MTA2: variants seen among roughly 807,000 people sequenced by gnomAD.
MTA2 encodes the protein metastasis associated 1 family member 2, also known as metastasis-associated protein MTA2.
Under a neutral mutation model 87.1 loss-of-function variants are expected in MTA2, and 22 were observed. The observed-to-expected ratio is 0.25, with a 90% CI of 0.18 to 0.36. The LOEUF is 0.36. Among genes scored for constraint, MTA2 ranks in the 10% least tolerant of loss-of-function variants. MTA2 has a pLI of 1.00. For synonymous variants in MTA2, 314 were observed against 310.1 expected (o/e 1.01, Z -0.13); for missense variants, 542 against 853.2 (o/e 0.64, Z 4.54).
chr11:62,601,572 C>T lies in MTA2; in HGVS notation c.-122G>A. 7 of 1,197,806 alleles carry T rather than the reference C, an allele frequency of 5.8e-6. No individual in the cohort carries two copies. Among genetic ancestry groups the T allele is most frequent in the Non-Finnish European group, 6.8e-6 (6 of 884,510 alleles). The allele number at this position is 1,197,806 out of a possible 1,614,324, so 74.2% of individuals were successfully genotyped here. On this transcript the variant is annotated 5_prime_UTR_variant, in exon 1 of 18. Transcript: ENST00000278823. Reference sequence around the variant, plus strand: ...CGCTTCGAGGGAGTCTCACTGGGGCCCGCGCAGCCGGCACCTCCGCTGCCT... The same window carrying T: ...CGCTTCGAGGGAGTCTCACTGGGGCTCGCGCAGCCGGCACCTCCGCTGCCT...
chr11:62,600,454 A>G (rs1942167259), intron 2 of MTA2, 168 bp downstream of exon 2: 1 of 802,954 alleles, frequency 1.2e-6, no homozygotes, highest in East Asian at 2.7e-5. Context: ...AAGAGACAGA[A>G]TAGTAAAGTT....
Position 62,595,206 on chromosome 11 carries a change from G to A in MTA2, c.1483+58C>T, listed in dbSNP as rs909802179. 23 of 1,551,012 alleles carry A rather than the reference G, an allele frequency of 1.5e-5. No individual in the cohort carries two copies. The highest frequency in any genetic ancestry group is 8.5e-5 in the Admixed American group (5 of 58,498). Reference sequence around the variant, plus strand: ...GTTATTAGACATCCAGAGAAACAACGGTCTCTGGGCAGAGCAATCCGAAAC... The same window carrying A: ...GTTATTAGACATCCAGAGAAACAACAGTCTCTGGGCAGAGCAATCCGAAAC... On this transcript the variant is annotated intron_variant, in intron 14 of 17. Transcript: ENST00000278823. The surrounding 1 kb of genome is among the most constrained non-coding windows in gnomAD (Gnocchi z 4.9).
At chr11:62,600,758 G>A in intron 1 of MTA2, 69 bp from the exon 2 acceptor site, 1 of 1,457,774 alleles carries the variant, frequency 6.9e-7, no homozygotes, top group Non-Finnish European at 9.6e-7. Context: ...CACCAGGGTA[G>A]GAGAGAAAGT....
Position 62,595,228 on chromosome 11 carries a change from A to G in MTA2, c.1483+36T>C. 1 of 1,601,858 alleles carries G rather than the reference A, an allele frequency of 6.2e-7. No homozygotes were observed. The highest frequency in any genetic ancestry group is 8.6e-7 in the Non-Finnish European group (1 of 1,169,508). ...AACGGTCTCTGGGCAGAGCAATCCG[A>G]AACCCACCACCAGTCCCACCACTCC... On this transcript the variant is annotated intron_variant, in intron 14 of 17. Transcript: ENST00000278823. This position sits in a 1 kb window ranked among gnomAD's most constrained non-coding sequence, Gnocchi z 4.9.
Position 62,595,918 on chromosome 11 carries a change from A to C in MTA2, c.1115-27T>G, listed in dbSNP as rs760510819. ...TGTAGAGTACGGAGAGGAGGGGGACAGGGAAGAAGCATACTACCTAAGCCC... is the reference window on the plus strand; with the variant it reads ...TGTAGAGTACGGAGAGGAGGGGGACCGGGAAGAAGCATACTACCTAAGCCC... On this transcript the variant is annotated intron_variant, in intron 12 of 17. Coordinates refer to ENST00000278823, the MANE Select transcript of MTA2 (RefSeq NM_004739.4). The surrounding 1 kb of genome is among the most constrained non-coding windows in gnomAD (Gnocchi z 4.9). 2 of 1,614,124 alleles carry C rather than the reference A, an allele frequency of 1.2e-6. No individual in the cohort carries two copies. The highest frequency in any genetic ancestry group is 2.2e-5 in the South Asian group (2 of 91,076).
intron 1 of MTA2, among the ~76,000 whole-genome samples, 177 bp from the exon 2 acceptor site, chr11:62,600,866 C>T (rs1211476058): frequency 1.3e-5 from 2 of 152,122 alleles, no homozygotes; most frequent in African/African-American, 4.8e-5. Context: ...GTCCCCCATC[C>T]CCACCGCACC....
At chr11:62,600,823 G>C (rs996977193) in intron 1 of MTA2, 134 bp from the exon 2 acceptor site, 8 of 689,996 alleles carry the variant, frequency 1.2e-5, no homozygotes, top group African/African-American at 1.8e-5. Flanking sequence ...GCGCTGAGAT[G>C]TGAAAGTGGA....
At chr11:62,596,373 C>A (rs780950613) in intron 10 of MTA2, 36 bp from the exon 11 acceptor site, 1 of 1,613,616 alleles carries the variant, frequency 6.2e-7, no homozygotes, top group African/African-American at 1.3e-5. Context: ...AGGATCAGAG[C>A]CTCATAGCAG....
At chr11:62,597,816 T>C (rs1489614240) in intron 6 of MTA2, 104 bp from the exon 7 acceptor site, 52 of 1,060,272 alleles carry the variant, frequency 4.9e-5, no homozygotes, top group Non-Finnish European at 7.2e-5. Context: ...CTGCTTGGAT[T>C]CTATCAACTC....
At position 62,595,713 on chromosome 11, in the gene MTA2, T is replaced by G. The variant is rs539823168; in HGVS notation, c.1254+39A>C. On this transcript the variant is annotated intron_variant, in intron 13 of 17. Transcript: ENST00000278823. The surrounding 1 kb of genome is among the most constrained non-coding windows in gnomAD (Gnocchi z 4.9). ...TCACCTAAGCTCACCATCAATATGC[T>G]TACTGCTCTCCCCTGCTTTTCTTCC... 1.2e-6 allele frequency: 2 copies of G among 1,610,658 alleles called. No homozygotes were observed. Among genetic ancestry groups the G allele is most frequent in the Admixed American group, 3.3e-5 (2 of 59,738 alleles).
Position 62,593,705 on chromosome 11 carries a change from G to A in MTA2, c.*170C>T. On this transcript the variant is annotated 3_prime_UTR_variant, in exon 18 of 18. Transcript: ENST00000278823. The stretch of plus-strand genomic sequence containing the variant: ...CGGCAAGCATGGAGGCATGAGACAA[G>A]TCTCGAGGTGGTAACACCAGAGGGC... 1.4e-6 allele frequency: 1 copy of A among 739,924 alleles called. No homozygotes were observed. Among genetic ancestry groups the A allele is most frequent in the Non-Finnish European group, 2.2e-6 (1 of 462,590 alleles). The allele number at this position is 739,924 out of a possible 1,614,324, so 45.8% of individuals were successfully genotyped here. A position where few individuals can be genotyped will look rare whatever the true frequency, so the allele number is the denominator to read the frequency against.
intron 2 of MTA2, 159 bp downstream of exon 2, chr11:62,600,463 T>C (rs1942167564): frequency 2.4e-6 from 2 of 826,458 alleles, no homozygotes; most frequent in Admixed American, 2.8e-5. Context: ...AATAGTAAAG[T>C]TCCTGCTAAC....
In MTA2 at chr11:62,593,883, C is replaced by T; in HGVS notation, c.1999G>A (p.Glu667Lys). The change falls in exon 18 of 18, where the codon GAG becomes AAG. Residue 667 changes from glutamate (E) to lysine (K), a missense_variant. Glu to Lys is a moderately conservative substitution (Grantham distance 56). Coordinates refer to ENST00000278823, the MANE Select transcript of MTA2 (RefSeq NM_004739.4). The stretch of plus-strand genomic sequence containing the variant: ...CCCTTCCCCACAGGTGCTCAGTCCT[C>T]CAGGACAATAGGCTCATTGGTGCTG... The part of the protein sequence containing the change: ...PASTNEPIVL[E>K]D The T allele has an allele frequency of 6.2e-7, 1 of 1,614,172 alleles. No homozygotes were observed. Among genetic ancestry groups the T allele is most frequent in the Non-Finnish European group, 8.5e-7 (1 of 1,180,018 alleles).
In MTA2 at chr11:62,593,994, G is replaced by A. The variant is rs760059746; in HGVS notation, c.1888C>T (p.Arg630Cys). The A allele has an allele frequency of 4.3e-6, 7 of 1,613,208 alleles. No individual in the cohort carries two copies. The highest frequency in any genetic ancestry group is 5.9e-6 in the Non-Finnish European group (7 of 1,179,546). Reference protein sequence around the residue: ...LTHLEMRRAARRPNLPLKVKP... With the variant: ...LTHLEMRRAACRPNLPLKVKP... ...ACCTTCAGGGGCAAGTTGGGTCGGC[G>A]AGCAGCTCGCCGCATTTCCAGATGG... Residue 630 changes from arginine (R) to cysteine (C), a missense_variant, in exon 18 of 18, where the codon CGC becomes TGC. By Grantham distance (180) the Arg-to-Cys change is radical (BLOSUM62 -3). This residue lies in a region of MTA2 where 269 missense variants were observed against 346.4 expected (regional missense o/e 0.78). Coordinates refer to ENST00000278823, the MANE Select transcript of MTA2 (RefSeq NM_004739.4).
At chr11:62,600,130 T>G in intron 3 of MTA2, 36 bp downstream of exon 3, 1 of 1,569,334 alleles carries the variant, frequency 6.4e-7, no homozygotes, top group Non-Finnish European at 8.8e-7. Flanking sequence ...CCTCAGATCA[T>G]GGGTAGGAGA....
chr11:62,601,240 G>A (rs1325034875), intron 1 of MTA2, 183 bp downstream of exon 1: 9 of 742,240 alleles, frequency 1.2e-5, no homozygotes, highest in Non-Finnish European at 2.2e-6. Flanking sequence ...TGGGAGTCTC[G>A]GAGCCCTGCC....
chr11:62,597,050 G>A (rs1202552947), intron 8 of MTA2, among the ~76,000 whole-genome samples: 2 of 152,124 alleles, frequency 1.3e-5, no homozygotes, highest in African/African-American at 2.4e-5. Flanking sequence ...TTAGCCAGGC[G>A]TGGTGGCGGG....
At position 62,594,375 on chromosome 11, in the gene MTA2, A is replaced by G; in HGVS notation, c.1725T>C (p.Asn575=). 6.2e-7 allele frequency: 1 copy of G among 1,614,178 alleles called. No homozygotes were observed. Among genetic ancestry groups the G allele is most frequent in the Non-Finnish European group, 8.5e-7 (1 of 1,180,024 alleles). The change falls in exon 17 of 18, where the codon AAT becomes AAC. Residue 575 remains asparagine (N), a synonymous_variant. Transcript: ENST00000278823. ...MAGAGVPFSA[N]GRPLASGIRS... is the part of the protein sequence containing the mutation. ...GAATCCCTGAAGCCAGAGGCCTTCCATTGGCAGAGAAAGGAACCCCTGCCC... is the reference window on the plus strand; with the variant it reads ...GAATCCCTGAAGCCAGAGGCCTTCCGTTGGCAGAGAAAGGAACCCCTGCCC...
intron 2 of MTA2, 31 bp downstream of exon 2, chr11:62,600,591 G>C: frequency 6.3e-7 from 1 of 1,595,400 alleles, no homozygotes. Context: ...ACCACTGCGG[G>C]AGGGAGGGAG....
Sources: allele counts gnomAD v4.1 joint callset (sites outside exome capture counted in the v4.1 genomes callset), GRCh38; gene constraint gnomAD v4.1.1; regional missense constraint gnomAD v4.1.1; non-coding constraint Gnocchi (gnomAD v3.1); transcripts MANE v1.5; gene names NCBI Gene and HGNC (gene_info 2026-07-23, HGNC 2026-07-21).